Variants in SPAG17 observed in about 807,000 individuals in gnomAD.
SPAG17 encodes sperm associated antigen 17.
A neutral mutation model predicts 273.6 loss-of-function variants in SPAG17; 169 were observed. The ratio of observed to expected loss-of-function variants is 0.62; its 90% CI spans 0.55 to 0.70. SPAG17 has a LOEUF of 0.70. Among genes scored for constraint, SPAG17 ranks in the 30% least tolerant of loss-of-function variants. The pLI is 0.00. For synonymous variants in SPAG17, 825 were observed against 873.2 expected (o/e 0.94, Z 0.97); for missense variants, 2,557 against 2,627.8 (o/e 0.97, Z 0.59).
chr1:117,973,292 C>T (rs957238823), intron 44 of SPAG17, 133 bp downstream of exon 44: 6 of 1,203,022 alleles, frequency 5.0e-6, no homozygotes, highest in Admixed American at 2.3e-5. Flanking sequence ...ACACAGTGGC[C>T]GGAAACTAAT....
intron 1 of SPAG17, among the ~76,000 whole-genome samples, chr1:118,170,436 G>A (rs571028596): frequency 1.3e-5 from 2 of 152,126 alleles, no homozygotes; most frequent in Non-Finnish European, 2.9e-5. Context: ...TGCAAGACAT[G>A]CTTTAAGAGA....
chr1:117,986,499 A>G (rs1429560622), intron 40 of SPAG17, among the ~76,000 whole-genome samples: 1 of 152,208 alleles, frequency 6.6e-6, no homozygotes, highest in South Asian at 2.1e-4. Flanking sequence ...CTTCTTCAAA[A>G]AACTTTCACT....
chr1:118,103,840 A>AGTATGTGTGTGTGTGTGT (rs1553251055), intron 4 of SPAG17, among the ~76,000 whole-genome samples: 4 of 136,386 alleles, frequency 2.9e-5, no homozygotes, highest in African/African-American at 1.1e-4. Context: ...GGGAAAATGT[A>AGTATGTGTGTGTGTGTGT]GTGTGTGTGT....
chr1:118,074,725 G>T, intron 15 of SPAG17, 125 bp from the exon 16 acceptor site: 1 of 831,304 alleles, frequency 1.2e-6, no homozygotes, highest in Non-Finnish European at 1.9e-6. Flanking sequence ...ATGCCTGAAA[G>T]GCATGTTTTG....
intron 46 of SPAG17, among the ~76,000 whole-genome samples, chr1:117,967,316 A>T (rs1038420824): frequency 5.3e-5 from 8 of 151,734 alleles, no homozygotes; most frequent in Non-Finnish European, 7.4e-5. Context: ...AAAAAAAAAA[A>T]AAATTCATCT....
chr1:118,087,967 T>C (rs1028655422), intron 10 of SPAG17, among the ~76,000 whole-genome samples: 1 of 152,222 alleles, frequency 6.6e-6, no homozygotes, highest in Non-Finnish European at 1.5e-5. Context: ...CATAGCCAAA[T>C]GTCCTCTGGG....
chr1:117,994,318 T>C, intron 35 of SPAG17, 88 bp downstream of exon 35: 1 of 1,323,780 alleles, frequency 7.6e-7, no homozygotes, highest in Non-Finnish European at 1.0e-6. Context: ...AATATATGAA[T>C]ATATGGGAGA....
intron 3 of SPAG17, among the ~76,000 whole-genome samples, chr1:118,126,043 G>GTTT (rs33966143): frequency 0.017 from 2,289 of 136,694 alleles, 42 homozygotes; most frequent in Admixed American, 0.032. Context: ...GTTATTTTCT[G>GTTT]TTTTTTTTTT....
chr1:118,026,668 T>C (rs1006801817), intron 26 of SPAG17, among the ~76,000 whole-genome samples: 3 of 152,186 alleles, frequency 2.0e-5, no homozygotes, highest in African/African-American at 7.2e-5. Context: ...GTTATAACTT[T>C]GGAAGACACT....
chr1:118,174,811 A>G (rs539399047), intron 1 of SPAG17, among the ~76,000 whole-genome samples: 1 of 152,324 alleles, frequency 6.6e-6, no homozygotes, highest in East Asian at 1.9e-4. Flanking sequence ...CTGGGATGAT[A>G]TATTTAAAGT....
rs759699821 is a variant in SPAG17 at position 118,025,383 on chromosome 1, T to C, written c.3764A>G (p.Asp1255Gly). The C allele has an allele frequency of 4.9e-5, 79 of 1,600,412 alleles. No homozygotes were observed. The highest frequency in any genetic ancestry group is 6.4e-5 in the Non-Finnish European group (75 of 1,175,202). The change falls in exon 27 of 49, where the codon GAC (aspartate) becomes GGC (glycine). Residue 1255 changes from aspartate (D) to glycine (G), a missense_variant. Transcript: ENST00000336338. ...GGGGTAGCTCTGACGGACCATGATGTCCCAGGTGGGTTCCTCATCTATAAC... is the reference window on the plus strand; with the variant it reads ...GGGGTAGCTCTGACGGACCATGATGCCCCAGGTGGGTTCCTCATCTATAAC... ...QYVIDEEPTW[D>G]IMVRQSYPQR...
intron 48 of SPAG17, 73 bp downstream of exon 48, chr1:117,963,726 G>A (rs1464287654): frequency 1.4e-6 from 2 of 1,395,874 alleles, no homozygotes; most frequent in Admixed American, 4.4e-5. Flanking sequence ...TAAGAAGAGG[G>A]GAAGAAACCT....
chr1:117,981,861 C>CA (rs1237878923), intron 42 of SPAG17, among the ~76,000 whole-genome samples: 3 of 152,172 alleles, frequency 2.0e-5, no homozygotes, highest in Non-Finnish European at 2.9e-5. Context: ...CAATAGGAAA[C>CA]AAATTTTAAA....
intron 1 of SPAG17, among the ~76,000 whole-genome samples, chr1:118,151,956 T>TA (rs1558049425): frequency 1.3e-5 from 2 of 152,196 alleles, no homozygotes; most frequent in Non-Finnish European, 2.9e-5. Context: ...CAAATAATTT[T>TA]AAAAAATTAG....
intron 48 of SPAG17, chr1:117,955,414 G>A: frequency 6.6e-7 from 1 of 1,507,400 alleles, no homozygotes; most frequent in Non-Finnish European, 9.2e-7. Context: ...TTTATGAAGT[G>A]CTTATCTGAA....
chr1:117,974,774 G>A (rs776121077), intron 43 of SPAG17, among the ~76,000 whole-genome samples: 1 of 152,188 alleles, frequency 6.6e-6, no homozygotes, highest in Non-Finnish European at 1.5e-5. Flanking sequence ...TTAGATCATG[G>A]TAGTTAAAAA....
intron 18 of SPAG17, among the ~76,000 whole-genome samples, chr1:118,066,543 T>C (rs1166453023): frequency 6.6e-6 from 1 of 152,208 alleles, no homozygotes; most frequent in Non-Finnish European, 1.5e-5. Flanking sequence ...TCTTTAGTGG[T>C]ATAGCTCCAA....
intron 17 of SPAG17, among the ~76,000 whole-genome samples, chr1:118,068,337 GTGAA>G (rs1297714902): frequency 2.0e-5 from 3 of 152,010 alleles, no homozygotes; most frequent in Admixed American, 1.3e-4. Context: ...CATACATGTG[GTGAA>G]TATCTTTGCA....
chr1:118,161,192 C>CTATTTAA (rs1434089101), intron 1 of SPAG17, among the ~76,000 whole-genome samples: 6 of 152,138 alleles, frequency 3.9e-5, no homozygotes, highest in Admixed American at 1.3e-4. Flanking sequence ...CTTGTAAAGG[C>CTATTTAA]TATTTAACAT....
Sources: allele counts gnomAD v4.1 joint callset (sites outside exome capture counted in the v4.1 genomes callset), GRCh38; gene constraint gnomAD v4.1.1; transcripts MANE v1.5; gene names NCBI Gene and HGNC (gene_info 2026-07-23, HGNC 2026-07-21).